STRADA: variants seen among roughly 807,000 people sequenced by gnomAD.
The protein encoded by STRADA is STE20-related kinase adapter protein alpha.
Under a neutral mutation model 55.0 loss-of-function variants are expected in STRADA, and 26 were observed. The observed-to-expected ratio is 0.47, with a 90% CI of 0.35 to 0.66. The LOEUF (loss-of-function observed/expected upper bound fraction) is 0.66. Ranked by LOEUF, STRADA falls within the 30% of genes least tolerant of loss-of-function variation. STRADA has a pLI of 0.01. For synonymous variants in STRADA, 197 were observed against 210.9 expected, an observed-to-expected ratio of 0.93 and a Z score of 0.57; for missense variants, 443 against 549.7, an observed-to-expected ratio of 0.81 and a Z score of 1.94.
chr17:63,736,242 C>T (rs2038414269), intron 1 of STRADA, among the ~76,000 whole-genome samples: 1 of 152,028 alleles, frequency 6.6e-6, no homozygotes, highest in African/African-American at 2.4e-5. Flanking sequence ...CAGCCCCATA[C>T]ACGGTTTTTA....
In STRADA at chr17:63,703,379, G is replaced by C; in HGVS notation, c.*220C>G. ...GGGAATGTCGGCTTTGGACCCTCCT[G>C]ATCCCTGGTTGTTGAGATTCCCTTG... On this transcript the variant is annotated 3_prime_UTR_variant, in exon 13 of 13. Transcript: ENST00000336174. The C allele has an allele frequency of 1.9e-6, 1 of 532,752 alleles. No homozygotes were observed. Among genetic ancestry groups the C allele is most frequent in the South Asian group, 2.2e-5 (1 of 44,478 alleles). The allele number at this position is 532,752 out of a possible 1,614,324, so 33.0% of individuals were successfully genotyped here.
In STRADA at chr17:63,703,587, G is replaced by A. The variant is rs1568167813; in HGVS notation, c.*12C>T. On this transcript the variant is annotated 3_prime_UTR_variant, in exon 13 of 13. Coordinates refer to ENST00000336174, the MANE Select transcript of STRADA (RefSeq NM_001003787.4). ...CATCCCTGGCTGGAGAATGCGCACA[G>A]TTTGCAGAGGCTCAGAACTCCCAAT... 3 of 1,611,568 alleles carry A rather than the reference G, an allele frequency of 1.9e-6. No homozygotes were observed. Among genetic ancestry groups the A allele is most frequent in the Middle Eastern group, 1.7e-4 (1 of 6,056 alleles).
chr17:63,719,864 T>C (rs2037171877), intron 4 of STRADA, among the ~76,000 whole-genome samples: 1 of 152,182 alleles, frequency 6.6e-6, no homozygotes, highest in East Asian at 1.9e-4. Context: ...TACTAGGCTA[T>C]ACACTAAGAC....
At chr17:63,703,861 A>G (rs1184966398) in intron 12 of STRADA, 110 bp from the exon 13 acceptor site, 1 of 1,611,616 alleles carries the variant, frequency 6.2e-7, no homozygotes, top group Non-Finnish European at 8.5e-7. Context: ...AGCCAACTCC[A>G]TGAGAGGAAG....
At chr17:63,726,377 G>GT in intron 3 of STRADA, 1 of 373,870 alleles carries the variant, frequency 2.7e-6, no homozygotes, top group South Asian at 1.1e-4. Context: ...TTAAAAATAT[G>GT]TATTTCACCT....
At chr17:63,740,967 G>A (rs1304280413) in intron 1 of STRADA, among the ~76,000 whole-genome samples, 1 of 152,172 alleles carries the variant, frequency 6.6e-6, no homozygotes, top group East Asian at 1.9e-4. Context: ...GAAGGTATGA[G>A]TGTCAATGAA....
intron 4 of STRADA, chr17:63,718,993 C>T (rs2037097833): frequency 6.6e-6 from 1 of 152,228 alleles, no homozygotes; most frequent in South Asian, 2.1e-4. Flanking sequence ...CCTTGTCTGT[C>T]ATGTTCACTG....
At chr17:63,726,946 T>C (rs1268980626) in intron 2 of STRADA, 2 of 508,462 alleles carry the variant, frequency 3.9e-6, no homozygotes, top group Non-Finnish European at 6.9e-6. Context: ...GTACTGGCTG[T>C]AATAATGAAG....
At chr17:63,721,121 C>T (rs892760868) in intron 4 of STRADA, among the ~76,000 whole-genome samples, 16 of 149,788 alleles carry the variant, frequency 1.1e-4, no homozygotes, top group Admixed American at 4.7e-4. Context: ...CGCCTGTAAT[C>T]CCAGCACTTT....
intron 1 of STRADA, among the ~76,000 whole-genome samples, chr17:63,730,212 C>T (rs1366724076): frequency 1.3e-5 from 2 of 152,064 alleles, no homozygotes. Context: ...CTTGGTTTCC[C>T]ATATAGCTAT....
Position 63,707,388 on chromosome 17 carries a change from A to G in STRADA, c.612T>C (p.Ser204=). The G allele has an allele frequency of 6.2e-7, 1 of 1,614,118 alleles. No homozygotes were observed. The highest frequency in any genetic ancestry group is 2.2e-5 in the East Asian group (1 of 44,882). The change falls in exon 9 of 13, where the codon TCT becomes TCC. Residue 204 remains serine, a synonymous_variant. Coordinates refer to ENST00000336174, the MANE Select transcript of STRADA (RefSeq NM_001003787.4). ...RSVKASHILI[S]VDGKVYLSGL... The stretch of plus-strand genomic sequence containing the variant: ...CAGACAGGTAGACCTTCCCATCCAC[A>G]GAGATCAGGATGTGGCTGGCTTTGA...
intron 8 of STRADA, among the ~76,000 whole-genome samples, chr17:63,707,858 G>A (rs1328325091): frequency 6.6e-6 from 1 of 151,516 alleles, no homozygotes; most frequent in Non-Finnish European, 1.5e-5. Flanking sequence ...AGCCTCCCGA[G>A]TAGCTGGGAC....
chr17:63,703,985 G>C lies in STRADA; in HGVS notation c.1143+20C>G. 6.2e-7 allele frequency: 1 copy of C among 1,613,956 alleles called. No homozygotes were observed. ...AGAACCAGAACTAGAACCAGAACCA[G>C]AACGAAGGGGCTACGATACCTGCTT... On this transcript the variant is annotated intron_variant, in intron 12 of 12. Coordinates refer to ENST00000336174, the MANE Select transcript of STRADA (RefSeq NM_001003787.4).
rs1004755309 is a variant in STRADA, at chr17:63,704,171, G to T, written c.1101-124C>A. The T allele has an allele frequency of 4.6e-6, 7 of 1,523,730 alleles. No individual in the cohort carries two copies. In the African/African-American group the frequency reaches 9.6e-5, roughly 21 times the overall value. The allele number at this position is 1,523,730 out of a possible 1,614,324, so 94.4% of individuals were successfully genotyped here. ...CTCCCTCAGCTCATGGGAAGCAGTGGCCAGAGCTCCCCAGGCTGGCCTCTG... is the reference window on the plus strand; with the variant it reads ...CTCCCTCAGCTCATGGGAAGCAGTGTCCAGAGCTCCCCAGGCTGGCCTCTG... On this transcript the variant is annotated intron_variant, in intron 11 of 12. Coordinates refer to ENST00000336174, the MANE Select transcript of STRADA (RefSeq NM_001003787.4).
At chr17:63,724,960 G>A (rs982557139) in intron 3 of STRADA, among the ~76,000 whole-genome samples, 7 of 151,876 alleles carry the variant, frequency 4.6e-5, no homozygotes, top group African/African-American at 1.7e-4. Context: ...AAAATAATAG[G>A]TACCACCTAG....
chr17:63,725,162 G>A (rs2037557764), intron 3 of STRADA, among the ~76,000 whole-genome samples: 2 of 151,844 alleles, frequency 1.3e-5, no homozygotes, highest in Admixed American at 1.3e-4. Flanking sequence ...AACCCGGGAG[G>A]CGGAGTTTGC....
intron 4 of STRADA, among the ~76,000 whole-genome samples, chr17:63,715,938 T>G (rs767902621): frequency 6.6e-6 from 1 of 152,178 alleles, no homozygotes; most frequent in African/African-American, 2.4e-5. Flanking sequence ...TGTGCTACTA[T>G]AAACATGTTT....
rs1399222182 is a variant in STRADA, at chr17:63,703,568, T to C, written c.*31A>G. 6.3e-7 allele frequency: 1 copy of C among 1,598,714 alleles called. No homozygotes were observed. The highest frequency in any genetic ancestry group is 8.5e-7 in the Non-Finnish European group (1 of 1,171,110). On this transcript the variant is annotated 3_prime_UTR_variant, in exon 13 of 13. Transcript: ENST00000336174. ...GGCCTCTGGGTGGCCTCTGCATCCCTGGCTGGAGAATGCGCACAGTTTGCA... is the reference window on the plus strand; with the variant it reads ...GGCCTCTGGGTGGCCTCTGCATCCCCGGCTGGAGAATGCGCACAGTTTGCA...
chr17:63,713,551 A>T (rs1156935843), intron 5 of STRADA, 24 bp from the exon 6 acceptor site: 2 of 1,608,408 alleles, frequency 1.2e-6, no homozygotes, highest in South Asian at 2.3e-5. Context: ...GGAATGCCAT[A>T]CGCAAGGACA....
Sources: allele counts gnomAD v4.1 joint callset (sites outside exome capture counted in the v4.1 genomes callset), GRCh38; gene constraint gnomAD v4.1.1; transcripts MANE v1.5; gene names NCBI Gene and HGNC (gene_info 2026-07-23, HGNC 2026-07-21).